Variants in EPHA6 observed in about 807,000 individuals in gnomAD.
EPHA6 encodes EPH receptor A6, also known as ephrin type-A receptor 6.
EPHA6 carries 50 observed loss-of-function variants against 112.0 expected under a neutral mutation model. The observed-to-expected ratio is 0.45, with a 90% CI of 0.36 to 0.56. The LOEUF (loss-of-function observed/expected upper bound fraction) is 0.56, where lower values mean the gene tolerates loss of function less well. Ranked by LOEUF, EPHA6 falls within the 20% of genes least tolerant of loss-of-function variation. The pLI is 0.00. For synonymous variants in EPHA6, 529 were observed against 490.7 expected (o/e 1.08, Z -1.03); for missense variants, 1,280 against 1,417.4 (o/e 0.90, Z 1.56).
At position 97,752,875 on chromosome 3, in the gene EPHA6, A is replaced by G. The variant is rs74442977; in HGVS notation, c.*4174A>G. On this transcript the variant is annotated 3_prime_UTR_variant, in exon 18 of 18. Coordinates refer to ENST00000389672, the MANE Select transcript of EPHA6 (RefSeq NM_001080448.3). Reference sequence around the variant, plus strand: ...TGTCTCTATATATCAAAGAGATTTGAAGCATATGTATCACTTCTTTTAGTA... The same window carrying G: ...TGTCTCTATATATCAAAGAGATTTGGAGCATATGTATCACTTCTTTTAGTA... 0.038 allele frequency among the ~76,000 whole-genome samples: 5,822 copies of G among 151,910 alleles called. 199 individuals carry two copies. The highest frequency in any genetic ancestry group is 0.094 in the African/African-American group (3,897 of 41,274).
At chr3:97,235,152 T>C (rs2078644636) in intron 4 of EPHA6, among the ~76,000 whole-genome samples, 2 of 152,130 alleles carry the variant, frequency 1.3e-5, no homozygotes, top group African/African-American at 4.8e-5. Flanking sequence ...TTGTGCTTTC[T>C]TTTTTATAGA....
intron 10 of EPHA6, among the ~76,000 whole-genome samples, chr3:97,526,641 G>T (rs1577669948): frequency 6.6e-6 from 1 of 152,218 alleles, no homozygotes; most frequent in South Asian, 2.1e-4. Context: ...TTCCTTGCAT[G>T]GTGGAATAAC....
At chr3:97,310,635 G>A (rs2081513470) in intron 5 of EPHA6, among the ~76,000 whole-genome samples, 1 of 151,478 alleles carries the variant, frequency 6.6e-6, no homozygotes, top group Non-Finnish European at 1.5e-5. Context: ...TCTCAAATGA[G>A]AGAAAGAGCA....
chr3:97,121,113 T>A (rs892905457), intron 3 of EPHA6, among the ~76,000 whole-genome samples: 3 of 152,048 alleles, frequency 2.0e-5, no homozygotes, highest in Admixed American at 6.6e-5. Context: ...CTCTTCCCAC[T>A]GTTTCCTAAA....
intron 2 of EPHA6, among the ~76,000 whole-genome samples, chr3:96,882,364 C>T (rs574448677): frequency 1.8e-4 from 27 of 152,150 alleles, no homozygotes; most frequent in African/African-American, 5.1e-4. Flanking sequence ...TTTATTTTTC[C>T]GTAAGTTATT....
intron 14 of EPHA6, among the ~76,000 whole-genome samples, chr3:97,652,450 A>G (rs1342049957): frequency 6.6e-6 from 1 of 152,102 alleles, no homozygotes; most frequent in Admixed American, 6.6e-5. Flanking sequence ...GATCCAAGAA[A>G]TAAATCAGGA....
At chr3:97,625,039 T>C (rs2093844112) in intron 13 of EPHA6, among the ~76,000 whole-genome samples, 1 of 151,542 alleles carries the variant, frequency 6.6e-6, no homozygotes, top group East Asian at 1.9e-4. Context: ...TTCTATTCTC[T>C]ATTTTATTTA....
intron 3 of EPHA6, among the ~76,000 whole-genome samples, chr3:97,140,420 T>A (rs928705947): frequency 2.0e-5 from 3 of 151,742 alleles, no homozygotes; most frequent in African/African-American, 4.8e-5. Context: ...AGAGGAAAAA[T>A]TTTAAAAACA....
intron 4 of EPHA6, among the ~76,000 whole-genome samples, chr3:97,239,211 T>A (rs952750995): frequency 2.0e-5 from 3 of 151,974 alleles, no homozygotes; most frequent in African/African-American, 7.2e-5. Context: ...CTCTTCTGTA[T>A]ATAAAATTAT....
Position 97,424,904 on chromosome 3 carries a change from CA to C in EPHA6, c.1731+19634del, listed in dbSNP as rs2088984654. Among the ~76,000 whole-genome samples, 4 of 150,724 alleles carry C rather than the reference CA, an allele frequency of 2.7e-5. No individual in the cohort carries two copies. The South Asian group carries it at 8.4e-4, about 32-fold the overall frequency. On this transcript the variant is annotated intron_variant, in intron 6 of 17. Coordinates refer to ENST00000389672, the MANE Select transcript of EPHA6 (RefSeq NM_001080448.3). ...CCTGTTCCACATGGGAGAAATTGGA[CA>C]AAATGAAGAGGCTATAGGCCAATGC...
At chr3:97,608,761 G>A (rs996182298) in intron 12 of EPHA6, among the ~76,000 whole-genome samples, 5 of 151,254 alleles carry the variant, frequency 3.3e-5, no homozygotes, top group Admixed American at 6.6e-5. Context: ...TGGTAAAGCC[G>A]TGGATACAAA....
rs550992389 is a variant in EPHA6, at chr3:97,326,457, G to A, written c.1607-78693G>A. Among the ~76,000 whole-genome samples the A allele has an allele frequency of 2.6e-5, 4 of 151,660 alleles. No homozygotes were observed. The South Asian group carries it at 6.3e-4, about 24-fold the overall frequency. Reference sequence around the variant, plus strand: ...CTAGCTTAGTAGTGATTAAGCAAGGGGGAAAATGACTTAATCATGAAAATA... The same window carrying A: ...CTAGCTTAGTAGTGATTAAGCAAGGAGGAAAATGACTTAATCATGAAAATA... On this transcript the variant is annotated intron_variant, in intron 5 of 17. Coordinates refer to ENST00000389672, the MANE Select transcript of EPHA6 (RefSeq NM_001080448.3).
At chr3:97,371,398 T>A (rs1270900534) in intron 5 of EPHA6, among the ~76,000 whole-genome samples, 2 of 152,134 alleles carry the variant, frequency 1.3e-5, no homozygotes, top group East Asian at 3.9e-4. Context: ...ACTTTTATAA[T>A]TTCTTACACC....
intron 5 of EPHA6, among the ~76,000 whole-genome samples, chr3:97,340,121 A>G (rs1413115895): frequency 6.6e-6 from 1 of 152,266 alleles, no homozygotes; most frequent in African/African-American, 2.4e-5. Flanking sequence ...ACTACAGAAG[A>G]TAAGACTCTT....
chr3:97,563,303 T>C (rs954134600), intron 11 of EPHA6, among the ~76,000 whole-genome samples: 3 of 152,100 alleles, frequency 2.0e-5, no homozygotes, highest in African/African-American at 7.2e-5. Flanking sequence ...CCTGTGAAAA[T>C]CTGTGGGAAG....
intron 3 of EPHA6, among the ~76,000 whole-genome samples, chr3:97,189,095 C>G (rs553647495): frequency 6.6e-6 from 1 of 151,960 alleles, no homozygotes; most frequent in South Asian, 2.1e-4. Flanking sequence ...TTTCATTTTG[C>G]TGAGATGATG....
At chr3:96,954,681 T>C (rs1231339466) in intron 2 of EPHA6, among the ~76,000 whole-genome samples, 1 of 151,818 alleles carries the variant, frequency 6.6e-6, no homozygotes, top group Non-Finnish European at 1.5e-5. Flanking sequence ...GATAGTTTTA[T>C]AAGTTTTAAA....
chr3:97,217,158 C>A (rs1500702), intron 3 of EPHA6, among the ~76,000 whole-genome samples: 1 of 151,900 alleles, frequency 6.6e-6, no homozygotes, highest in Non-Finnish European at 1.5e-5. Context: ...CACTATTAAT[C>A]GAGAAGACAG....
intron 9 of EPHA6, among the ~76,000 whole-genome samples, chr3:97,483,165 G>A (rs993153834): frequency 2.6e-5 from 4 of 152,094 alleles, no homozygotes; most frequent in Non-Finnish European, 5.9e-5. Context: ...TGACTTCTTC[G>A]GATACTCACA....
Sources: gnomAD v4.1 joint callset for allele counts (sites outside exome capture counted in the v4.1 genomes callset) on GRCh38, gnomAD v4.1.1 for gene constraint, MANE v1.5 for transcripts, NCBI Gene and HGNC (gene_info 2026-07-23, HGNC 2026-07-21) for gene names.